ATAD3B: variants seen among roughly 807,000 people sequenced by gnomAD.
ATAD3B encodes the protein ATPase family AAA domain containing 3B, also known as ATPase family AAA domain-containing protein 3B.
In ATAD3B, 59 loss-of-function variants were observed where a neutral mutation model predicts 70.2. The observed-to-expected ratio is 0.84, with a 90% CI of 0.68 to 1.04. ATAD3B has a LOEUF of 1.04. Ranked by LOEUF, ATAD3B falls within the 50% of genes least tolerant of loss-of-function variation. The pLI is 0.00. For synonymous variants in ATAD3B, 423 were observed against 388.6 expected, an observed-to-expected ratio of 1.09 and a Z score of -1.04; for missense variants, 961 against 913.4, an observed-to-expected ratio of 1.05 and a Z score of -0.67.
Position 1,473,218 on chromosome 1 carries a change from C to G in ATAD3B, c.205+1129C>G, listed in dbSNP as rs565681620. Among the ~76,000 whole-genome samples the G allele has an allele frequency of 4.7e-4, 67 of 142,442 alleles. 2 individuals carry two copies. Among genetic ancestry groups the G allele is most frequent in the African/African-American group, 1.6e-3 (59 of 37,166 alleles). 93.4% of individuals were successfully genotyped at this position (142,442 alleles called of 152,430 possible). On this transcript the variant is annotated intron_variant, in intron 1 of 15. Coordinates refer to ENST00000673477, the MANE Select transcript of ATAD3B (RefSeq NM_031921.6). ...GCAGTGACGTGATCTCCACTCACTG[C>G]AAGCTCCGCCTCCCGTGTTCACACC...
chr1:1,485,553 C>T (rs1557806045), intron 8 of ATAD3B, among the ~76,000 whole-genome samples: 1 of 152,100 alleles, frequency 6.6e-6, no homozygotes, highest in South Asian at 2.1e-4. Flanking sequence ...CCACAGGTCA[C>T]TGGGTAGGTG....
intron 15 of ATAD3B, among the ~76,000 whole-genome samples, chr1:1,492,146 A>C (rs1640569591): frequency 6.6e-6 from 1 of 151,750 alleles, no homozygotes. Flanking sequence ...TGATTGTGCC[A>C]CTGCACTCCA....
At chr1:1,494,209 G>T (rs1640667464) in intron 15 of ATAD3B, among the ~76,000 whole-genome samples, 2 of 151,868 alleles carry the variant, frequency 1.3e-5, no homozygotes, top group African/African-American at 4.8e-5. Flanking sequence ...GAGGCCACGT[G>T]ACATTTAGCT....
chr1:1,486,236 G>T lies in ATAD3B; in HGVS notation c.1089+1G>T. 6.2e-7 allele frequency: 1 copy of T among 1,612,866 alleles called. No individual in the cohort carries two copies. Among genetic ancestry groups the T allele is most frequent in the Non-Finnish European group, 8.5e-7 (1 of 1,179,622 alleles). On this transcript the variant is annotated splice_donor_variant, in intron 10 of 15. Coordinates refer to ENST00000673477, the MANE Select transcript of ATAD3B (RefSeq NM_031921.6). LOFTEE classifies it high-confidence loss of function. ...CACCGGGAAGACGCTGTTTGCCAAG[G>T]TGAGAGCGCCTGGCTGAACAGGTGG... is the stretch of plus-strand genomic sequence containing the variant.
At chr1:1,480,243 T>G (rs542764375) in intron 4 of ATAD3B, among the ~76,000 whole-genome samples, 1 of 100,776 alleles carries the variant, frequency 9.9e-6, no homozygotes, top group Non-Finnish European at 1.8e-5. Context: ...TTACTGCACG[T>G]GAGGGCATGC....
the ATAD3B span, among the ~76,000 whole-genome samples, chr1:1,507,872 G>A: frequency 5.9e-5 from 9 of 152,344 alleles, no homozygotes; most frequent in Admixed American, 4.6e-4. Flanking sequence ...AGCACAGAGA[G>A]CTCCCGGGCC....
intron 7 of ATAD3B, chr1:1,483,348 T>G: frequency 4.0e-6 from 1 of 249,344 alleles, no homozygotes; most frequent in Non-Finnish European, 8.0e-6. Flanking sequence ...GCGCCTGGAA[T>G]CCCAGCTGCT....
chr1:1,490,035 A>T (rs1640448037), intron 13 of ATAD3B: 2 of 1,392,518 alleles, frequency 1.4e-6, no homozygotes, highest in Admixed American at 6.0e-5. Flanking sequence ...ACAGGGCAAG[A>T]ACAGAGGCCC....
chr1:1,495,456 C>G, intron 15 of ATAD3B, 29 bp from the exon 16 acceptor site: 1 of 1,570,086 alleles, frequency 6.4e-7, no homozygotes. Context: ...CCCATAGCGG[C>G]CTCCCTCAGC....
intron 13 of ATAD3B, 181 bp from the exon 14 acceptor site, chr1:1,490,076 G>T: frequency 7.0e-7 from 1 of 1,420,286 alleles, no homozygotes. Flanking sequence ...GCTGGGCGTG[G>T]TGGGGCAGGC....
At chr1:1,485,528 T>G (rs182335491) in intron 8 of ATAD3B, among the ~76,000 whole-genome samples, 1 of 151,766 alleles carries the variant, frequency 6.6e-6, no homozygotes, top group African/African-American at 2.4e-5. Context: ...TGCCAGCCCC[T>G]GAGGTGCCTG....
At chr1:1,481,841 G>A (rs1252859974) in intron 5 of ATAD3B, among the ~76,000 whole-genome samples, 2 of 152,150 alleles carry the variant, frequency 1.3e-5, no homozygotes, top group Non-Finnish European at 2.9e-5. Context: ...TCTGTGGCAC[G>A]GGCCTGTCCA....
chr1:1,480,618 C>G (rs956425375), intron 4 of ATAD3B, among the ~76,000 whole-genome samples: 1 of 147,294 alleles, frequency 6.8e-6, no homozygotes, highest in African/African-American at 2.5e-5. Context: ...CGCGGTGGCC[C>G]TTGTCAGGGA....
the ATAD3B span, among the ~76,000 whole-genome samples, chr1:1,504,404 C>G: frequency 6.6e-6 from 1 of 151,836 alleles, no homozygotes; most frequent in Admixed American, 6.6e-5. Flanking sequence ...AATCTCAGCT[C>G]TTTGGGAGGC....
chr1:1,493,444 C>A lies in ATAD3B; in HGVS notation c.1615-2041C>A, dbSNP rs187298499. On this transcript the variant is annotated intron_variant, in intron 15 of 15. Transcript: ENST00000673477. The stretch of plus-strand genomic sequence containing the variant: ...TTTGTTAATTTTTTTTGTTTCTTTT[C>A]TTTTCTTTTGGTGGGGGGACCAGTC... Among the ~76,000 whole-genome samples, 3 of 151,702 alleles carry A rather than the reference C, an allele frequency of 2.0e-5. No homozygotes were observed. The East Asian group carries it at 5.8e-4, about 29-fold the overall frequency.
intron 1 of ATAD3B, among the ~76,000 whole-genome samples, chr1:1,473,473 G>C (rs1384423057): frequency 7.3e-6 from 1 of 137,684 alleles, no homozygotes; most frequent in Non-Finnish European, 1.6e-5. Context: ...CAAAGTGCTG[G>C]GATTACAGGC....
At chr1:1,484,570 G>A (rs374410569) in intron 7 of ATAD3B, 4 of 161,082 alleles carry the variant, frequency 2.5e-5, no homozygotes, top group South Asian at 1.8e-4. Flanking sequence ...CTGGTGATAC[G>A]CCGGCCTTGG....
intron 11 of ATAD3B, among the ~76,000 whole-genome samples, chr1:1,486,981 C>CA (rs1284997271): frequency 1.3e-5 from 2 of 151,310 alleles, no homozygotes; most frequent in Non-Finnish European, 2.9e-5. Flanking sequence ...GCCCTCCCCC[C>CA]AACACGCCTG....
chr1:1,480,856 C>T lies in ATAD3B; in HGVS notation c.445-11C>T, dbSNP rs192308564. The T allele has an allele frequency of 5.9e-6, 9 of 1,535,570 alleles. 1 individual carries two copies. The Admixed American group carries it at 9.8e-5, about 17-fold the overall frequency. ...TAAAGGCTTTTCTCTTTTTCTGCGGCTTCTTCTCAGCAACTTCTCAATGAG... is the reference window on the plus strand; with the variant it reads ...TAAAGGCTTTTCTCTTTTTCTGCGGTTTCTTCTCAGCAACTTCTCAATGAG... On this transcript the variant is annotated splice_polypyrimidine_tract_variant and intron_variant, in intron 4 of 15. Transcript: ENST00000673477.
Sources: gnomAD v4.1 joint callset for allele counts (sites outside exome capture counted in the v4.1 genomes callset) on GRCh38, gnomAD v4.1.1 for gene constraint, MANE v1.5 for transcripts, NCBI Gene and HGNC (gene_info 2026-07-23, HGNC 2026-07-21) for gene names.